ZNF180: variants seen among roughly 807,000 people sequenced by gnomAD.
ZNF180 encodes zinc finger protein 180.
ZNF180 carries 11 observed loss-of-function variants against 11.8 expected under a neutral mutation model. That is an observed-to-expected ratio of 0.93 (90% confidence interval 0.59 to 1.55). The LOEUF (loss-of-function observed/expected upper bound fraction) is 1.55. ZNF180 is among the 40% of genes most tolerant of loss of function. The pLI is 0.00. For missense variants in ZNF180, 773 were observed against 781.7 expected (o/e 0.99, Z 0.13); for synonymous variants, 287 against 257.7 (o/e 1.11, Z -1.09).
intron 2 of ZNF180, among the ~76,000 whole-genome samples, chr19:44,491,206 G>A (rs1185609612): frequency 6.6e-6 from 1 of 152,212 alleles, no homozygotes; most frequent in Non-Finnish European, 1.5e-5. Flanking sequence ...AGGCACTAAA[G>A]CAAAGCTGAG....
Position 44,476,913 on chromosome 19 carries a change from C to T in ZNF180, c.1487G>A (p.Cys496Tyr), listed in dbSNP as rs1969905717. The T allele has an allele frequency of 1.2e-6, 2 of 1,614,142 alleles. No homozygotes were observed. The highest frequency in any genetic ancestry group is 1.7e-5 in the Admixed American group (1 of 60,026). ...GCTGAAGGATTTCCCACACTGATTA[C>T]ATTCAAAGGGTTTTTCTCCTGTGTG... Reference protein sequence around the residue: ...RTHTGEKPFECNQCGKSFSWS... With the variant: ...RTHTGEKPFEYNQCGKSFSWS... Residue 496 changes from cysteine (C) to tyrosine (Y), a missense_variant, in exon 5 of 5, where the codon TGT becomes TAT. Transcript: ENST00000592529.
Position 44,484,355 on chromosome 19 carries a change from A to G in ZNF180, c.126+6T>C, listed in dbSNP as rs757177519. The G allele has an allele frequency of 2.5e-5, 40 of 1,609,516 alleles. No homozygotes were observed. The highest frequency in any genetic ancestry group is 3.3e-5 in the Non-Finnish European group (39 of 1,175,954). ...AGTGTAAAGACAGAGGCCTTGCCCA[A>G]CCTACCTGAGATGGGATGGTCAGAG... On this transcript the variant is annotated splice_donor_region_variant and intron_variant, in intron 3 of 4. Coordinates refer to ENST00000592529, the MANE Select transcript of ZNF180 (RefSeq NM_001278509.3).
At chr19:44,480,176 G>T (rs1970041619) in intron 3 of ZNF180, among the ~76,000 whole-genome samples, 4 of 152,002 alleles carry the variant, frequency 2.6e-5, no homozygotes, top group Non-Finnish European at 5.9e-5. Flanking sequence ...GCACAATCAT[G>T]GCTCACTGCA....
chr19:44,496,299 G>A (rs1970576796), intron 2 of ZNF180, among the ~76,000 whole-genome samples: 1 of 152,042 alleles, frequency 6.6e-6, no homozygotes, highest in African/African-American at 2.4e-5. Context: ...GATTATAGGT[G>A]TGAACCACTG....
At position 44,500,381 on chromosome 19, in the gene ZNF180, T is replaced by C; in HGVS notation, c.-150A>G. 1 of 1,027,774 alleles carries C rather than the reference T, an allele frequency of 9.7e-7. No homozygotes were observed. The highest frequency in any genetic ancestry group is 1.5e-6 in the Non-Finnish European group (1 of 675,918). The allele number at this position is 1,027,774 out of a possible 1,614,324, so 63.7% of individuals were successfully genotyped here. ...GGGTTAGGCAACCCCCTGCCCCGAT[T>C]CTGCAACACGGCCGACTCGGGTTAA... On this transcript the variant is annotated 5_prime_UTR_variant, in exon 1 of 5. Coordinates refer to ENST00000592529, the MANE Select transcript of ZNF180 (RefSeq NM_001278509.3).
chr19:44,497,301 G>A lies in ZNF180; in HGVS notation c.34C>T (p.Pro12Ser). Reference protein sequence around the residue: ...EEQDEKPPEPPKVCAQDSFLP... With the variant: ...EEQDEKPPEPSKVCAQDSFLP... ...CCACTCACCTGTGCACAGACCTTCG[G>A]GGGCTCTGGGGGCTTCTCATCCTGC... Residue 12 changes from proline to serine, a missense_variant, in exon 2 of 5, where the codon CCG becomes TCG. By Grantham distance (74) the Pro-to-Ser change is moderately conservative. Coordinates refer to ENST00000592529, the MANE Select transcript of ZNF180 (RefSeq NM_001278509.3). The A allele has an allele frequency of 1.3e-6, 2 of 1,593,790 alleles. No individual in the cohort carries two copies. The highest frequency in any genetic ancestry group is 1.7e-6 in the Non-Finnish European group (2 of 1,173,456).
chr19:44,500,016 C>T (rs1309355274), intron 1 of ZNF180, among the ~76,000 whole-genome samples: 4 of 152,210 alleles, frequency 2.6e-5, no homozygotes, highest in East Asian at 1.9e-4. Context: ...TGCATGTGCC[C>T]TGTGTTCCAG....
chr19:44,488,914 A>G (rs1379455701), intron 2 of ZNF180, among the ~76,000 whole-genome samples: 7 of 140,252 alleles, frequency 5.0e-5, no homozygotes, highest in Non-Finnish European at 7.7e-5. Flanking sequence ...CTGCCTGGCA[A>G]CCGCCCCGTC....
chr19:44,477,479 G>A lies in ZNF180; in HGVS notation c.921C>T (p.Thr307=). The A allele has an allele frequency of 6.2e-7, 1 of 1,614,028 alleles. No homozygotes were observed. Among genetic ancestry groups the A allele is most frequent in the Non-Finnish European group, 8.5e-7 (1 of 1,179,970 alleles). The stretch of plus-strand genomic sequence containing the variant: ...TTTGAGTAAGGGAGGAACTATGAGA[G>A]GTTTCACTACATTTATATTGACTCT... ...FEESQYKCSE[T]SHSSSLTQNM... The change falls in exon 5 of 5, where the codon ACC becomes ACT. Residue 307 remains threonine, a synonymous_variant. Coordinates refer to ENST00000592529, the MANE Select transcript of ZNF180 (RefSeq NM_001278509.3).
intron 2 of ZNF180, among the ~76,000 whole-genome samples, chr19:44,488,065 GCCCTCT>G (rs1375075587): frequency 8.4e-5 from 9 of 107,144 alleles, no homozygotes; most frequent in African/African-American, 1.9e-4. Flanking sequence ...CCTCGCCCTT[GCCCTCT>G]CCCTCTCCCT....
chr19:44,486,832 G>C (rs986665989), intron 2 of ZNF180, among the ~76,000 whole-genome samples: 2 of 152,076 alleles, frequency 1.3e-5, no homozygotes, highest in Non-Finnish European at 2.9e-5. Flanking sequence ...CCTGAACTCA[G>C]GAGTTCGAGA....
chr19:44,483,064 G>A (rs892837373), intron 3 of ZNF180, among the ~76,000 whole-genome samples: 1 of 152,152 alleles, frequency 6.6e-6, no homozygotes, highest in African/African-American at 2.4e-5. Context: ...ATACAAAACT[G>A]CCCACGTTTC....
At chr19:44,493,748 G>GCTCTCTCTTGCTCT (rs1555737666) in intron 2 of ZNF180, among the ~76,000 whole-genome samples, 6 of 150,648 alleles carry the variant, frequency 4.0e-5, no homozygotes, top group Admixed American at 2.6e-4. Flanking sequence ...AAGTGCTCTT[G>GCTCTCTCTTGCTCT]CTCTCTCTCT....
rs1969969795 is a variant in ZNF180 at position 44,477,885 on chromosome 19, C to T, written c.515G>A (p.Ser172Asn). Residue 172 changes from serine to asparagine, a missense_variant, in exon 5 of 5, where the codon AGT becomes AAT. Physicochemically the swap from Ser to Asn is conservative, Grantham distance 46. Coordinates refer to ENST00000592529, the MANE Select transcript of ZNF180 (RefSeq NM_001278509.3). ...VCKSDETGEK[S>N]GLNSSLFSSP... is the part of the protein sequence containing the mutation. ...TGAAAATAGACTGGAATTCAGACCACTCTTCTCCCCAGTTTCATCACTTTT... is the reference window on the plus strand; with the variant it reads ...TGAAAATAGACTGGAATTCAGACCATTCTTCTCCCCAGTTTCATCACTTTT... 1.2e-6 allele frequency: 2 copies of T among 1,613,948 alleles called. No homozygotes were observed. Among genetic ancestry groups the T allele is most frequent in the Non-Finnish European group, 8.5e-7 (1 of 1,179,998 alleles).
chr19:44,479,158 G>C lies in ZNF180; in HGVS notation c.253+125C>G, dbSNP rs73038404. The C allele has an allele frequency of 9.3e-3, 10,613 of 1,143,700 alleles. 55 individuals are homozygous for C. Among genetic ancestry groups the C allele is most frequent in the Non-Finnish European group, 0.012 (9,450 of 814,038 alleles). 70.8% of individuals were successfully genotyped at this position (1,143,700 alleles called of 1,614,324 possible). ...AAATTAATCTTCACTGGGGAATAAA[G>C]AGCACAAACACAATCTAGATGCAGC... On this transcript the variant is annotated intron_variant, in intron 4 of 4. Coordinates refer to ENST00000592529, the MANE Select transcript of ZNF180 (RefSeq NM_001278509.3).
Position 44,475,842 on chromosome 19 carries a change from CTA to C in ZNF180, c.*558_*559del, listed in dbSNP as rs1177269433. ...CTATATTCTTTTCCCACACTTTTCACTATATATCATAGACACTTTCCTAAAAT... is the reference window on the plus strand; with the variant it reads ...CTATATTCTTTTCCCACACTTTTCACTATATCATAGACACTTTCCTAAAAT... On this transcript the variant is annotated 3_prime_UTR_variant, in exon 5 of 5. Coordinates refer to ENST00000592529, the MANE Select transcript of ZNF180 (RefSeq NM_001278509.3). 6.6e-6 allele frequency: 1 copy of C among 152,218 alleles called. No homozygotes were observed. Among genetic ancestry groups the C allele is most frequent in the East Asian group, 1.9e-4 (1 of 5,208 alleles). The allele number at this position is 152,218 out of a possible 1,614,324, so 9.4% of individuals were successfully genotyped here. A position where few individuals can be genotyped will look rare whatever the true frequency, so the allele number is the denominator to read the frequency against.
At position 44,495,993 on chromosome 19, in the gene ZNF180, A is replaced by G. The variant is rs1319129238; in HGVS notation, c.51+1291T>C. ...TTAAGAAATTAAGAGTTTTCAAAGA[A>G]TATTTGCGGTGGGAAATGTTCTAAA... is the stretch of plus-strand genomic sequence containing the variant. On this transcript the variant is annotated intron_variant, in intron 2 of 4. Transcript: ENST00000592529. This position sits in a 1 kb window ranked among gnomAD's most constrained non-coding sequence, Gnocchi z 4.5. Among the ~76,000 whole-genome samples the G allele has an allele frequency of 6.6e-6, 1 of 152,150 alleles. No homozygotes were observed. Among genetic ancestry groups the G allele is most frequent in the Non-Finnish European group, 1.5e-5 (1 of 68,036 alleles).
intron 3 of ZNF180, among the ~76,000 whole-genome samples, chr19:44,480,703 C>T (rs1458240187): frequency 2.6e-5 from 4 of 152,074 alleles, no homozygotes; most frequent in Non-Finnish European, 5.9e-5. Context: ...AAACATATAG[C>T]CTAATGGTAA....
chr19:44,489,832 AAGAAG>A (rs782510783), intron 2 of ZNF180, among the ~76,000 whole-genome samples: 69,211 of 137,834 alleles, frequency 0.5, 17,830 homozygotes, highest in South Asian at 0.68. Context: ...AAAGAAAGAA[AAGAAG>A]AGAAGAGATG....
Sources: gnomAD v4.1 joint callset for allele counts (sites outside exome capture counted in the v4.1 genomes callset) on GRCh38, gnomAD v4.1.1 for gene constraint, Gnocchi (gnomAD v3.1) non-coding constraint, MANE v1.5 for transcripts, NCBI Gene and HGNC (gene_info 2026-07-23, HGNC 2026-07-21) for gene names.